SLC39A12: variants seen among roughly 807,000 people sequenced by gnomAD.
SLC39A12 encodes the protein solute carrier family 39 member 12.
SLC39A12 carries 63 observed loss-of-function variants against 71.1 expected under a neutral mutation model. That is an observed-to-expected ratio of 0.89 (90% confidence interval 0.72 to 1.09). The LOEUF (loss-of-function observed/expected upper bound fraction) is 1.09. Ranked by LOEUF, SLC39A12 falls within the 50% of genes least tolerant of loss-of-function variation. The probability of loss-of-function intolerance (pLI) is 0.00; values close to 1 mark genes in which losing one functional copy is unlikely to be tolerated. For synonymous variants in SLC39A12, 351 were observed against 301.3 expected (o/e 1.16, Z -1.71); for missense variants, 892 against 812.6 (o/e 1.10, Z -1.19).
intron 12 of SLC39A12, among the ~76,000 whole-genome samples, chr10:18,029,377 C>G (rs909219011): frequency 6.6e-6 from 1 of 152,070 alleles, no homozygotes; most frequent in African/African-American, 2.4e-5. Context: ...CAACGGCAGG[C>G]CAAAGGGATG....
chr10:18,041,833 A>ATGTGT (rs1837261087), intron 12 of SLC39A12, among the ~76,000 whole-genome samples: 1 of 147,088 alleles, frequency 6.8e-6, no homozygotes, highest in African/African-American at 2.5e-5. Flanking sequence ...GTATGTACAT[A>ATGTGT]CATATGTATA....
chr10:18,037,501 A>G (rs906777974), intron 12 of SLC39A12, among the ~76,000 whole-genome samples: 4 of 152,184 alleles, frequency 2.6e-5, no homozygotes, highest in African/African-American at 7.2e-5. Context: ...CATCACAACA[A>G]TGTGACTGTG....
intron 12 of SLC39A12, among the ~76,000 whole-genome samples, chr10:18,012,370 A>G (rs1401999874): frequency 6.6e-6 from 1 of 152,168 alleles, no homozygotes; most frequent in Non-Finnish European, 1.5e-5. Flanking sequence ...TATTCTCCAG[A>G]ATGTTGTAGA....
At chr10:18,032,776 G>A (rs1456776668) in intron 12 of SLC39A12, among the ~76,000 whole-genome samples, 1 of 151,734 alleles carries the variant, frequency 6.6e-6, no homozygotes, top group Non-Finnish European at 1.5e-5. Context: ...ATATGATATT[G>A]GCTGTGGCTT....
At chr10:17,967,169 T>C (rs115740529) in intron 4 of SLC39A12, among the ~76,000 whole-genome samples, 2,058 of 152,302 alleles carry the variant, frequency 0.014, 41 homozygotes, top group African/African-American at 0.043. Context: ...GGGTTGGTTT[T>C]CATATGGAGT....
intron 8 of SLC39A12, 148 bp from the exon 9 acceptor site, chr10:17,993,033 G>A: frequency 1.9e-6 from 1 of 522,178 alleles, no homozygotes; most frequent in South Asian, 3.6e-5. Context: ...CATTTTTGAA[G>A]TTGCATTCCA....
chr10:18,023,209 T>A (rs528888025), intron 12 of SLC39A12, among the ~76,000 whole-genome samples: 151 of 152,240 alleles, frequency 9.9e-4, no homozygotes, highest in African/African-American at 3.4e-3. Flanking sequence ...CTTTCACTTA[T>A]CTCTTGGGGC....
chr10:17,975,822 C>T (rs1835094310), intron 4 of SLC39A12, among the ~76,000 whole-genome samples: 1 of 152,162 alleles, frequency 6.6e-6, no homozygotes, highest in Admixed American at 6.5e-5. Context: ...GGTGGCAAGG[C>T]TTGTGGGGGA....
At chr10:17,997,526 G>A (rs1384839506) in intron 10 of SLC39A12, among the ~76,000 whole-genome samples, 1 of 152,040 alleles carries the variant, frequency 6.6e-6, no homozygotes, top group South Asian at 2.1e-4. Flanking sequence ...CTTGAAAGAA[G>A]GACATGCCCA....
intron 12 of SLC39A12, among the ~76,000 whole-genome samples, chr10:18,032,970 T>G (rs1379089897): frequency 6.7e-6 from 1 of 150,204 alleles, no homozygotes. Flanking sequence ...TTGCGTATAT[T>G]GAACCAGCCT....
At chr10:18,004,686 T>A (rs1338462312) in intron 12 of SLC39A12, among the ~76,000 whole-genome samples, 8 of 152,206 alleles carry the variant, frequency 5.3e-5, no homozygotes. Flanking sequence ...AACATTCTAA[T>A]TTTGATAGTA....
chr10:17,990,354 A>G (rs1835511925), intron 7 of SLC39A12, among the ~76,000 whole-genome samples: 1 of 152,208 alleles, frequency 6.6e-6, no homozygotes, highest in Non-Finnish European at 1.5e-5. Flanking sequence ...CTGTACACAT[A>G]TATGTATGAA....
chr10:17,958,297 C>T (rs1834600936), intron 2 of SLC39A12, among the ~76,000 whole-genome samples: 1 of 152,116 alleles, frequency 6.6e-6, no homozygotes, highest in South Asian at 2.1e-4. Flanking sequence ...GCCCCATGAG[C>T]GTCCTACTCC....
intron 10 of SLC39A12, among the ~76,000 whole-genome samples, chr10:17,996,763 C>A (rs2497757): frequency 3.3e-5 from 5 of 151,782 alleles, no homozygotes; most frequent in African/African-American, 1.2e-4. Flanking sequence ...TTTGGGAGGC[C>A]GAGGCGGGCA....
chr10:17,993,142 T>C, intron 8 of SLC39A12, 39 bp from the exon 9 acceptor site: 11 of 1,441,422 alleles, frequency 7.6e-6, no homozygotes, highest in Non-Finnish European at 1.0e-5. Context: ...ACCTGTGTTC[T>C]TCTGGCTTCA....
intron 12 of SLC39A12, among the ~76,000 whole-genome samples, chr10:18,023,208 A>T (rs1293848086): frequency 6.6e-6 from 1 of 152,136 alleles, no homozygotes; most frequent in African/African-American, 2.4e-5. Flanking sequence ...CCTTTCACTT[A>T]TCTCTTGGGG....
chr10:17,968,488 A>T (rs116095467), intron 4 of SLC39A12, among the ~76,000 whole-genome samples: 2,063 of 152,262 alleles, frequency 0.014, 41 homozygotes, highest in African/African-American at 0.043. Flanking sequence ...ATTTGGTCAT[A>T]TCTTTTCAGC....
chr10:17,987,402 T>C lies in SLC39A12; in HGVS notation c.1097-77T>C. 3 of 1,372,150 alleles carry C rather than the reference T, an allele frequency of 2.2e-6. No individual in the cohort carries two copies. In the South Asian group the frequency reaches 3.8e-5, roughly 17 times the overall value. 85.0% of individuals were successfully genotyped at this position (1,372,150 alleles called of 1,614,324 possible). On this transcript the variant is annotated intron_variant, in intron 6 of 12. Coordinates refer to ENST00000377369, the MANE Select transcript of SLC39A12 (RefSeq NM_001145195.2). ...CTGGCTGTTACTGTAAGACCAATTC[T>C]TCTGGCATTTTCGCCAGCTGAGGCC...
At chr10:17,993,828 A>G (rs1835617655) in intron 9 of SLC39A12, among the ~76,000 whole-genome samples, 1 of 152,264 alleles carries the variant, frequency 6.6e-6, no homozygotes, top group African/African-American at 2.4e-5. Context: ...ATCATGTTCA[A>G]AACAATATTC....
Sources: gnomAD v4.1 joint callset for allele counts (sites outside exome capture counted in the v4.1 genomes callset) on GRCh38, gnomAD v4.1.1 for gene constraint, MANE v1.5 for transcripts, NCBI Gene and HGNC (gene_info 2026-07-23, HGNC 2026-07-21) for gene names.